The following STXBP4 variants were observed in gnomAD, a reference collection of about 807,000 sequenced individuals.
STXBP4 encodes syntaxin-binding protein 4.
Under a neutral mutation model 76.1 loss-of-function variants are expected in STXBP4, and 55 were observed. That is an observed-to-expected ratio of 0.72 (90% CI 0.58 to 0.91). The LOEUF is 0.91. STXBP4 is among the 40% of genes least tolerant of loss of function. The pLI, the probability that STXBP4 is intolerant of heterozygous loss-of-function variation, is 0.00. For synonymous variants in STXBP4, 201 were observed against 220.2 expected (o/e 0.91, Z 0.77); for missense variants, 618 against 636.9 (o/e 0.97, Z 0.32).
chr17:55,150,542 A>G (rs965586010), intron 17 of STXBP4, among the ~76,000 whole-genome samples: 4 of 152,230 alleles, frequency 2.6e-5, no homozygotes, highest in Non-Finnish European at 4.4e-5. Flanking sequence ...CAGTCCATAT[A>G]GTAGCTTCTC....
chr17:55,205,839 A>C, the STXBP4 span, among the ~76,000 whole-genome samples: 1 of 152,266 alleles, frequency 6.6e-6, no homozygotes, highest in African/African-American at 2.4e-5. Flanking sequence ...ATCAAACTTT[A>C]AAACATTCAT....
At chr17:55,043,404 C>CA (rs1284337951) in intron 11 of STXBP4, 79 bp downstream of exon 11, 2 of 842,608 alleles carry the variant, frequency 2.4e-6, no homozygotes, top group Non-Finnish European at 3.5e-6. Context: ...GATTCTGAAG[C>CA]ATTGGGGCTT....
chr17:55,073,791 G>C (rs7222492), intron 13 of STXBP4, among the ~76,000 whole-genome samples: 1 of 152,058 alleles, frequency 6.6e-6, no homozygotes, highest in African/African-American at 2.4e-5. Context: ...ACCACACCCA[G>C]CTAATTTTTT....
At chr17:55,185,299 C>T in the STXBP4 span, among the ~76,000 whole-genome samples, 32 of 118,710 alleles carry the variant, frequency 2.7e-4, no homozygotes, top group Admixed American at 5.2e-4. Flanking sequence ...TTCTCCTTCT[C>T]CTTCTCCTTC....
Position 55,168,982 on chromosome 17 carries a change from T to C in STXBP4, c.*9071T>C, listed in dbSNP as rs2080392454. On this transcript the variant is annotated 3_prime_UTR_variant, in exon 18 of 18. Coordinates refer to ENST00000376352, the MANE Select transcript of STXBP4 (RefSeq NM_178509.6). ...AAGAAGTAACAGTCCAGTCATATCA[T>C]GGAAAGAACAACCAAATTCATGCAT... The C allele has an allele frequency of 6.6e-6, 1 of 152,196 alleles. No homozygotes were observed. Among genetic ancestry groups the C allele is most frequent in the African/African-American group, 2.4e-5 (1 of 41,448 alleles). 9.4% of individuals were successfully genotyped at this position (152,196 alleles called of 1,614,324 possible).
At chr17:54,982,682 T>C (rs1216379544) in intron 1 of STXBP4, among the ~76,000 whole-genome samples, 2 of 151,780 alleles carry the variant, frequency 1.3e-5, no homozygotes, top group Non-Finnish European at 2.9e-5. Flanking sequence ...CTGAGGGCCT[T>C]GCAAGTTTGT....
chr17:55,191,601 C>T, the STXBP4 span, among the ~76,000 whole-genome samples: 1 of 152,160 alleles, frequency 6.6e-6, no homozygotes, highest in Non-Finnish European at 1.5e-5. Context: ...ATCCCCATCT[C>T]TCTTAGTCTC....
intron 16 of STXBP4, among the ~76,000 whole-genome samples, chr17:55,119,600 C>T (rs114457981): frequency 0.013 from 2,000 of 151,998 alleles, 44 homozygotes; most frequent in South Asian, 0.045. Flanking sequence ...TCAACAAAGA[C>T]AAGACTTTGA....
intron 13 of STXBP4, among the ~76,000 whole-genome samples, chr17:55,076,256 T>C (rs1264109987): frequency 6.6e-6 from 1 of 152,166 alleles, no homozygotes; most frequent in Non-Finnish European, 1.5e-5. Flanking sequence ...TTGTTTTGTG[T>C]GGTCAGCATT....
At chr17:55,007,382 T>G in intron 7 of STXBP4, 124 bp from the exon 8 acceptor site, 1 of 705,406 alleles carries the variant, frequency 1.4e-6, no homozygotes. Flanking sequence ...CAAACAAAAC[T>G]AAAAGCTGCT....
At chr17:55,210,618 G>A in the STXBP4 span, among the ~76,000 whole-genome samples, 1 of 152,200 alleles carries the variant, frequency 6.6e-6, no homozygotes, top group East Asian at 1.9e-4. Flanking sequence ...TTAGAAAGAT[G>A]AAACTGATTC....
chr17:55,092,680 T>C (rs1024976530), intron 16 of STXBP4, among the ~76,000 whole-genome samples: 1 of 152,226 alleles, frequency 6.6e-6, no homozygotes, highest in African/African-American at 2.4e-5. Flanking sequence ...AGAATGTGAG[T>C]AGTAGCTGCC....
At chr17:55,019,828 T>G (rs2078274845) in intron 8 of STXBP4, among the ~76,000 whole-genome samples, 1 of 152,224 alleles carries the variant, frequency 6.6e-6, no homozygotes, top group African/African-American at 2.4e-5. Context: ...AAGATTTTTG[T>G]AGCTCTTATT....
At chr17:55,054,006 G>C (rs962987390) in intron 12 of STXBP4, among the ~76,000 whole-genome samples, 2 of 152,014 alleles carry the variant, frequency 1.3e-5, no homozygotes, top group African/African-American at 4.8e-5. Context: ...TCTTTTTCTA[G>C]CAGTACCTAC....
intron 12 of STXBP4, among the ~76,000 whole-genome samples, chr17:55,069,293 T>C (rs2144857030): frequency 6.6e-6 from 1 of 152,300 alleles, no homozygotes; most frequent in East Asian, 1.9e-4. Flanking sequence ...ATCTTCATTT[T>C]TCTTTTATTA....
rs557083116 is a variant in STXBP4, at chr17:55,107,235, G to A, written c.1489+26052G>A. On this transcript the variant is annotated intron_variant, in intron 16 of 17. Coordinates refer to ENST00000376352, the MANE Select transcript of STXBP4 (RefSeq NM_178509.6). ...CTTCCGCTTTATCGATTTGGCTATC[G>A]ATACTCATGTATGCTTCATGAAGTT... Among the ~76,000 whole-genome samples, 80 of 152,088 alleles carry A rather than the reference G, an allele frequency of 5.3e-4. 1 individual carries two copies. The highest frequency in any genetic ancestry group is 8.5e-4 in the Non-Finnish European group (58 of 67,996).
At chr17:55,208,581 G>GGAAGGAAGGAAGGAAGGAAGGAAA in the STXBP4 span, among the ~76,000 whole-genome samples, 1 of 141,532 alleles carries the variant, frequency 7.1e-6, no homozygotes, top group Admixed American at 7.0e-5. Context: ...GAGGGAAGAA[G>GGAAGGAAGGAAGGAAGGAAGGAAA]GAAGGAAGGA....
the STXBP4 span, among the ~76,000 whole-genome samples, chr17:55,188,653 G>A: frequency 6.6e-6 from 1 of 152,122 alleles, no homozygotes; most frequent in Non-Finnish European, 1.5e-5. Flanking sequence ...GGCCACTCCT[G>A]ATTTTAAAGG....
chr17:54,988,739 A>C (rs1269136547), intron 3 of STXBP4, among the ~76,000 whole-genome samples: 1 of 152,080 alleles, frequency 6.6e-6, no homozygotes, highest in Non-Finnish European at 1.5e-5. Flanking sequence ...ACGCCACTGC[A>C]CTCCAGCCAG....
Sources: allele counts gnomAD v4.1 joint callset (sites outside exome capture counted in the v4.1 genomes callset), GRCh38; gene constraint gnomAD v4.1.1; transcripts MANE v1.5; gene names NCBI Gene and HGNC (gene_info 2026-07-23, HGNC 2026-07-21).